ANKS1B: variants seen among roughly 807,000 people sequenced by gnomAD.
ANKS1B encodes the protein ankyrin repeat and sterile alpha motif domain-containing protein 1B.
ANKS1B carries 36 observed loss-of-function variants against 148.3 expected under a neutral mutation model. The ratio of observed to expected loss-of-function variants is 0.24; its 90% CI spans 0.19 to 0.32. The LOEUF is 0.32. Among genes scored for constraint, ANKS1B ranks in the 10% least tolerant of loss-of-function variants. The pLI is 1.00. For synonymous variants in ANKS1B, 542 were observed against 560.8 expected, an observed-to-expected ratio of 0.97 and a Z score of 0.47; for missense variants, 1,157 against 1,542.6, an observed-to-expected ratio of 0.75 and a Z score of 4.19.
chr12:99,166,456 A>C (rs911457965), intron 14 of ANKS1B, among the ~76,000 whole-genome samples: 3 of 151,860 alleles, frequency 2.0e-5, no homozygotes, highest in African/African-American at 7.2e-5. Context: ...ATATACAAAC[A>C]TCAATTGTAT....
At chr12:99,758,807 G>C (rs903465400) in intron 8 of ANKS1B, among the ~76,000 whole-genome samples, 1 of 151,846 alleles carries the variant, frequency 6.6e-6, no homozygotes, top group African/African-American at 2.4e-5. Flanking sequence ...ATGTAAGTTA[G>C]TGAGGATGAT....
At chr12:99,335,853 A>C (rs1467284375) in intron 12 of ANKS1B, among the ~76,000 whole-genome samples, 1 of 152,006 alleles carries the variant, frequency 6.6e-6, no homozygotes, top group Non-Finnish European at 1.5e-5. Context: ...CAATATACTA[A>C]TTTCCTTTCC....
chr12:99,870,411 G>C (rs1466668372), intron 1 of ANKS1B, among the ~76,000 whole-genome samples: 1 of 152,110 alleles, frequency 6.6e-6, no homozygotes, highest in Admixed American at 6.6e-5. Context: ...ATGATTGCAT[G>C]TTCTTTTTGG....
intron 14 of ANKS1B, among the ~76,000 whole-genome samples, chr12:99,218,002 G>C (rs1023803230): frequency 1.3e-5 from 2 of 152,114 alleles, no homozygotes; most frequent in African/African-American, 4.8e-5. Flanking sequence ...AGGGCACAGA[G>C]ATTAGGGCTC....
chr12:99,188,354 A>G (rs886280514), intron 14 of ANKS1B, among the ~76,000 whole-genome samples: 140 of 152,360 alleles, frequency 9.2e-4, no homozygotes, highest in African/African-American at 3.2e-3. Flanking sequence ...CCTAATAGAC[A>G]TCTACAAAAC....
intron 14 of ANKS1B, among the ~76,000 whole-genome samples, chr12:99,210,022 C>A (rs558796554): frequency 6.6e-6 from 1 of 152,172 alleles, no homozygotes; most frequent in African/African-American, 2.4e-5. Flanking sequence ...AATAAATACT[C>A]TTAGTCCCTA....
chr12:99,000,516 GC>G (rs909794204), intron 17 of ANKS1B, among the ~76,000 whole-genome samples: 3 of 152,090 alleles, frequency 2.0e-5, no homozygotes, highest in African/African-American at 7.2e-5. Context: ...TGATCCTCCT[GC>G]CTTGGCCTCC....
intron 19 of ANKS1B, among the ~76,000 whole-genome samples, chr12:98,827,339 G>C (rs190153818): frequency 6.6e-6 from 1 of 152,184 alleles, no homozygotes; most frequent in Non-Finnish European, 1.5e-5. Flanking sequence ...GCAGTCACTC[G>C]ATCATCGTTA....
chr12:99,552,151 G>A (rs914195514), intron 9 of ANKS1B, among the ~76,000 whole-genome samples: 4 of 152,046 alleles, frequency 2.6e-5, no homozygotes, highest in Non-Finnish European at 5.9e-5. Flanking sequence ...CCTTGTGAAT[G>A]ACTAGGTCAA....
chr12:99,073,728 C>T (rs191983392), intron 16 of ANKS1B, among the ~76,000 whole-genome samples: 51 of 152,222 alleles, frequency 3.4e-4, no homozygotes, highest in African/African-American at 1.2e-3. Context: ...AAAGGAAGGC[C>T]GATTTTATAA....
At chr12:99,536,021 A>G (rs1466573305) in intron 9 of ANKS1B, among the ~76,000 whole-genome samples, 2 of 152,200 alleles carry the variant, frequency 1.3e-5, no homozygotes, top group Non-Finnish European at 2.9e-5. Context: ...TTGGAGCTCT[A>G]CAAACTGTCT....
intron 14 of ANKS1B, among the ~76,000 whole-genome samples, chr12:99,242,212 A>C (rs1186798494): frequency 1.3e-5 from 2 of 152,222 alleles, no homozygotes; most frequent in Admixed American, 6.5e-5. Context: ...ATACAAAATC[A>C]ATCTGCAAAA....
intron 8 of ANKS1B, among the ~76,000 whole-genome samples, chr12:99,692,843 GTT>G (rs1242942481): frequency 6.6e-6 from 1 of 152,108 alleles, no homozygotes; most frequent in African/African-American, 2.4e-5. Flanking sequence ...CGGATAAGTT[GTT>G]TTAACTGCCT....
At chr12:99,806,328 A>G in intron 4 of ANKS1B, 76 bp downstream of exon 4, 7 of 1,538,264 alleles carry the variant, frequency 4.6e-6, no homozygotes, top group Non-Finnish European at 6.2e-6. Flanking sequence ...ATTTCTACAT[A>G]CAGGTTTTCA....
At chr12:99,333,854 G>GTTTTTTTTGTTTTTTTTTTTTTTT (rs35682274) in intron 12 of ANKS1B, among the ~76,000 whole-genome samples, 1 of 107,482 alleles carries the variant, frequency 9.3e-6, no homozygotes, top group Non-Finnish European at 1.9e-5. Flanking sequence ...CCAGTTCTCA[G>GTTTTTTTTGTTTTTTTTTTTTTTT]TTTTTTTTTT....
At chr12:98,945,350 G>A (rs899010190) in intron 17 of ANKS1B, among the ~76,000 whole-genome samples, 2 of 151,610 alleles carry the variant, frequency 1.3e-5, no homozygotes, top group Non-Finnish European at 2.9e-5. Flanking sequence ...CAAAAATTAG[G>A]CGGGCGTAGT....
intron 15 of ANKS1B, among the ~76,000 whole-genome samples, chr12:99,099,318 G>A (rs906064068): frequency 3.9e-5 from 6 of 152,344 alleles, no homozygotes; most frequent in Admixed American, 1.3e-4. Context: ...AATCCTTTGC[G>A]GGGTGGGGGT....
intron 14 of ANKS1B, chr12:99,155,000 G>T: frequency 6.5e-7 from 1 of 1,535,322 alleles, no homozygotes; most frequent in African/African-American, 1.4e-5. Flanking sequence ...AATGATGAGA[G>T]CAGTCAAAAC....
At chr12:99,636,612 GGC>G (rs1346854099) in intron 9 of ANKS1B, among the ~76,000 whole-genome samples, 1 of 152,072 alleles carries the variant, frequency 6.6e-6, no homozygotes, top group Non-Finnish European at 1.5e-5. Context: ...TTAAAAAACT[GGC>G]ACTAAATAGA....
Sources: gnomAD v4.1 joint callset for allele counts (sites outside exome capture counted in the v4.1 genomes callset) on GRCh38, gnomAD v4.1.1 for gene constraint, MANE v1.5 for transcripts, NCBI Gene and HGNC (gene_info 2026-07-23, HGNC 2026-07-21) for gene names.